The following ANK1 variants were observed in gnomAD, a reference collection of about 807,000 sequenced individuals.
The protein encoded by ANK1 is ankyrin 1, also known as ankyrin-1.
In ANK1, 51 loss-of-function variants were observed where a neutral mutation model predicts 210.4. The observed-to-expected ratio is 0.24, with a 90% CI of 0.19 to 0.31. The LOEUF is 0.31. ANK1 is among the 10% of genes least tolerant of loss of function. The pLI is 1.00. For missense variants in ANK1, 2,051 were observed against 2,504.4 expected, an observed-to-expected ratio of 0.82 and a Z score of 3.86; for synonymous variants, 967 against 1,025.9, an observed-to-expected ratio of 0.94 and a Z score of 1.10.
chr8:41,743,331 C>T (rs968601128), intron 2 of ANK1, among the ~76,000 whole-genome samples: 8 of 152,086 alleles, frequency 5.3e-5, no homozygotes, highest in East Asian at 1.9e-4. Flanking sequence ...AGGGAAGGAG[C>T]GACGGCATGA....
At chr8:41,826,213 A>G (rs544701375) in intron 1 of ANK1, among the ~76,000 whole-genome samples, 2 of 152,136 alleles carry the variant, frequency 1.3e-5, no homozygotes, top group South Asian at 4.2e-4. Context: ...TGACTGTGCA[A>G]TTGCCCTATT....
In ANK1 at chr8:41,667,947, A is replaced by G. The variant is rs150076586; in HGVS notation, c.5394+320T>C. Among the ~76,000 whole-genome samples, 417 of 152,324 alleles carry G rather than the reference A, an allele frequency of 2.7e-3. 2 individuals are homozygous for G. The highest frequency in any genetic ancestry group is 9.7e-3 in the African/African-American group (403 of 41,580). ...GCCCTTTCTAAAACGCGACAGAACA[A>G]GAAAACCAACAAAAGCCACAACTTT... On this transcript the variant is annotated intron_variant, in intron 39 of 42. Transcript: ENST00000289734.
chr8:41,820,877 G>A (rs937685256), intron 1 of ANK1, among the ~76,000 whole-genome samples: 3 of 152,238 alleles, frequency 2.0e-5, no homozygotes, highest in Admixed American at 2.0e-4. Context: ...CGGGGCTGCA[G>A]AGAGGTGGTG....
chr8:41,760,967 C>G (rs1259086313), intron 1 of ANK1, among the ~76,000 whole-genome samples: 1 of 136,034 alleles, frequency 7.4e-6, no homozygotes, highest in Non-Finnish European at 1.7e-5. Context: ...ACTCTTATCC[C>G]TGGAACCTGT....
chr8:41,734,733 G>GAA (rs796964750), intron 2 of ANK1, among the ~76,000 whole-genome samples: 1 of 145,556 alleles, frequency 6.9e-6, no homozygotes, highest in African/African-American at 2.5e-5. Flanking sequence ...CTCTACAAAA[G>GAA]AAAAAAAAAA....
At chr8:41,829,935 C>CTAA (rs1806277257) in intron 1 of ANK1, 1 of 71,604 alleles carries the variant, frequency 1.4e-5, no homozygotes, top group African/African-American at 4.6e-5. Context: ...GACTCTGTCT[C>CTAA]AAAAAAAAAA....
chr8:41,758,164 G>A (rs1441088579), intron 1 of ANK1, 27 bp from the exon 2 acceptor site: 2 of 1,596,536 alleles, frequency 1.3e-6, no homozygotes, highest in Non-Finnish European at 1.7e-6. Flanking sequence ...CAGGCGGTGA[G>A]TGTCCTGGGT....
chr8:41,739,541 G>C (rs62508184), intron 2 of ANK1, among the ~76,000 whole-genome samples: 1 of 58,568 alleles, frequency 1.7e-5, no homozygotes, highest in Non-Finnish European at 4.0e-5. Context: ...TTTTTTTTTG[G>C]TGTGTGATAA....
chr8:41,718,845 C>T (rs1003034119), intron 10 of ANK1, among the ~76,000 whole-genome samples: 4 of 152,110 alleles, frequency 2.6e-5, no homozygotes, highest in South Asian at 2.1e-4. Context: ...AGGCCAGGGA[C>T]GCTGCTAAAC....
At chr8:41,707,772 A>G (rs554247459) in intron 17 of ANK1, among the ~76,000 whole-genome samples, 4 of 152,310 alleles carry the variant, frequency 2.6e-5, no homozygotes, top group African/African-American at 9.6e-5. Context: ...TTGGGGGTCA[A>G]TTGTTCAAAT....
chr8:41,711,563 G>A (rs1253425351), intron 16 of ANK1, among the ~76,000 whole-genome samples: 2 of 152,206 alleles, frequency 1.3e-5, no homozygotes, highest in African/African-American at 4.8e-5. Context: ...CAGGACCCTG[G>A]TGAACAGACC....
intron 1 of ANK1, among the ~76,000 whole-genome samples, chr8:41,777,609 T>A (rs376967724): frequency 0.23 from 35,180 of 150,682 alleles, 4,747 homozygotes; most frequent in Admixed American, 0.38. Context: ...CAACAATAAA[T>A]AAAAACAAAC....
In ANK1 at chr8:41,734,072, G is replaced by A. The variant is rs975054880; in HGVS notation, c.130-3C>T. 2 of 1,613,434 alleles carry A rather than the reference G, an allele frequency of 1.2e-6. No individual in the cohort carries two copies. Among genetic ancestry groups the A allele is most frequent in the East Asian group, 2.2e-5 (1 of 44,882 alleles). ...AGATGCAAGCCATTCAACCCATTCT[G>A]TAAAGAGCAGAGAGGCGGGAAGGGC... On this transcript the variant is annotated splice_polypyrimidine_tract_variant and splice_region_variant and intron_variant, in intron 2 of 42. Coordinates refer to ENST00000289734, the MANE Select transcript of ANK1 (RefSeq NM_000037.4).
intron 31 of ANK1, 75 bp downstream of exon 31, chr8:41,692,573 C>T: frequency 1.4e-6 from 2 of 1,449,186 alleles, no homozygotes; most frequent in East Asian, 2.3e-5. Flanking sequence ...TGCCTGCCTG[C>T]ACCTGGTAAT....
intron 1 of ANK1, among the ~76,000 whole-genome samples, chr8:41,776,454 G>A (rs1260077183): frequency 6.6e-6 from 1 of 152,054 alleles, no homozygotes; most frequent in African/African-American, 2.4e-5. Flanking sequence ...AATTACAACA[G>A]TAACATCGTC....
intron 1 of ANK1, among the ~76,000 whole-genome samples, chr8:41,804,166 T>G (rs1850583392): frequency 6.6e-6 from 1 of 152,192 alleles, no homozygotes; most frequent in Non-Finnish European, 1.5e-5. Flanking sequence ...AAGGCCCAAC[T>G]AGGGCTGGGA....
intron 37 of ANK1, among the ~76,000 whole-genome samples, chr8:41,677,568 T>G (rs1434983560): frequency 6.6e-6 from 1 of 150,716 alleles, no homozygotes; most frequent in Non-Finnish European, 1.5e-5. Context: ...CTGGCTTCTG[T>G]TGTTTCTTTT....
intron 1 of ANK1, among the ~76,000 whole-genome samples, chr8:41,891,547 G>T (rs1194050825): frequency 6.6e-6 from 1 of 152,202 alleles, no homozygotes; most frequent in Admixed American, 6.5e-5. Context: ...AATTCAGAGT[G>T]TAACATCTTC....
At chr8:41,676,678 T>C (rs899382054) in intron 37 of ANK1, among the ~76,000 whole-genome samples, 1 of 152,204 alleles carries the variant, frequency 6.6e-6, no homozygotes, top group African/African-American at 2.4e-5. Flanking sequence ...GTTTTTTTCT[T>C]ATGTTTTCTT....
Sources: gnomAD v4.1 joint callset for allele counts (sites outside exome capture counted in the v4.1 genomes callset) on GRCh38, gnomAD v4.1.1 for gene constraint, MANE v1.5 for transcripts, NCBI Gene and HGNC (gene_info 2026-07-23, HGNC 2026-07-21) for gene names.